Variants in PTPRT observed in about 807,000 individuals in gnomAD.
PTPRT encodes the protein protein tyrosine phosphatase receptor type T.
PTPRT carries 56 observed loss-of-function variants against 176.8 expected under a neutral mutation model. The observed-to-expected ratio is 0.32, with a 90% CI of 0.26 to 0.40. The LOEUF (loss-of-function observed/expected upper bound fraction) is 0.40. Among genes scored for constraint, PTPRT ranks in the 10% least tolerant of loss-of-function variants. The pLI, the probability that PTPRT is intolerant of heterozygous loss-of-function variation, is 1.00. For synonymous variants in PTPRT, 783 were observed against 739.0 expected, an observed-to-expected ratio of 1.06 and a Z score of -0.96; for missense variants, 1,540 against 1,908.2, an observed-to-expected ratio of 0.81 and a Z score of 3.60.
chr20:42,939,831 A>G (rs73907413), intron 1 of PTPRT, among the ~76,000 whole-genome samples: 1,769 of 152,328 alleles, frequency 0.012, 31 homozygotes, highest in African/African-American at 0.041. Context: ...ATGGAGTGGT[A>G]GTTTTGACAG....
chr20:42,937,589 C>T (rs1399090638), intron 1 of PTPRT, among the ~76,000 whole-genome samples: 2 of 152,176 alleles, frequency 1.3e-5, no homozygotes, highest in Admixed American at 1.3e-4. Flanking sequence ...CTCCAGTTCA[C>T]CTTGTGGAGC....
intron 1 of PTPRT, among the ~76,000 whole-genome samples, chr20:43,132,127 C>T (rs926766049): frequency 6.6e-6 from 1 of 152,058 alleles, no homozygotes; most frequent in Non-Finnish European, 1.5e-5. Flanking sequence ...TGCCCATTAT[C>T]ACCATTGTTA....
chr20:42,379,972 G>A (rs889748497), intron 9 of PTPRT, among the ~76,000 whole-genome samples: 10 of 152,148 alleles, frequency 6.6e-5, no homozygotes, highest in African/African-American at 2.2e-4. Flanking sequence ...GCCATCCATA[G>A]CAAGCCCACA....
intron 7 of PTPRT, among the ~76,000 whole-genome samples, chr20:42,599,431 C>A (rs559623010): frequency 2.0e-5 from 3 of 152,252 alleles, no homozygotes; most frequent in Admixed American, 2.0e-4. Context: ...ATTCATCTAT[C>A]CCTCCTCAGG....
chr20:42,936,183 G>A (rs1438546049), intron 1 of PTPRT, among the ~76,000 whole-genome samples: 3 of 152,226 alleles, frequency 2.0e-5, no homozygotes, highest in Admixed American at 6.5e-5. Context: ...TATAGAGAAA[G>A]CAAAACAGGA....
At chr20:42,341,041 A>G (rs888217271) in intron 11 of PTPRT, among the ~76,000 whole-genome samples, 1 of 151,962 alleles carries the variant, frequency 6.6e-6, no homozygotes, top group African/African-American at 2.4e-5. Context: ...CCTTGAATCT[A>G]TTACTGTCTG....
intron 1 of PTPRT, among the ~76,000 whole-genome samples, chr20:42,892,487 TA>T (rs76007946): frequency 0.053 from 6,998 of 131,592 alleles, 504 homozygotes; most frequent in African/African-American, 0.17. Context: ...TGGAGCTAAG[TA>T]AAAAAAAAAA....
intron 2 of PTPRT, among the ~76,000 whole-genome samples, chr20:42,801,011 C>CT (rs1426431755): frequency 6.6e-6 from 1 of 152,116 alleles, no homozygotes; most frequent in Non-Finnish European, 1.5e-5. Flanking sequence ...TCTTTGTGCT[C>CT]TTTTTTTCTT....
At position 42,282,614 on chromosome 20, in the gene PTPRT, T is replaced by C. The variant is rs979981098; in HGVS notation, c.2140-89A>G. ...AGACAAAAATACATATATATTTGCA[T>C]ATATATTCATGCATATGTATTTTTA... On this transcript the variant is annotated intron_variant, in intron 12 of 30. Coordinates refer to ENST00000373187, the MANE Select transcript of PTPRT (RefSeq NM_007050.6). The C allele has an allele frequency of 1.5e-5, 15 of 996,234 alleles. No individual in the cohort carries two copies. In the African/African-American group the frequency reaches 2.0e-4, roughly 13 times the overall value. 61.7% of individuals were successfully genotyped at this position (996,234 alleles called of 1,614,324 possible).
At chr20:43,111,136 A>G (rs528114070) in intron 1 of PTPRT, among the ~76,000 whole-genome samples, 30 of 152,320 alleles carry the variant, frequency 2.0e-4, no homozygotes, top group Non-Finnish European at 4.1e-4. Flanking sequence ...CCCAAGGTGC[A>G]GGTTGGCAGG....
Position 42,115,198 on chromosome 20 carries a change from C to T in PTPRT, c.3099+1G>A, listed in dbSNP as rs2146311022. On this transcript the variant is annotated splice_donor_variant, in intron 22 of 30. Coordinates refer to ENST00000373187, the MANE Select transcript of PTPRT (RefSeq NM_007050.6). LOFTEE classifies it high-confidence loss of function. ...CTGCCCACAGCCTCCAAGAAGCTTACCTTCTGGACTGTGAAGGTGCGTATG... is the reference window on the plus strand; with the variant it reads ...CTGCCCACAGCCTCCAAGAAGCTTATCTTCTGGACTGTGAAGGTGCGTATG... 6.2e-7 allele frequency: 1 copy of T among 1,611,192 alleles called. No homozygotes were observed. Among genetic ancestry groups the T allele is most frequent in the Non-Finnish European group, 8.5e-7 (1 of 1,177,364 alleles).
chr20:42,897,520 G>A (rs972245449), intron 1 of PTPRT, among the ~76,000 whole-genome samples: 19 of 152,298 alleles, frequency 1.2e-4, no homozygotes, highest in African/African-American at 3.6e-4. Context: ...TAACAGAAAC[G>A]GCGGTGCCCT....
At chr20:42,106,954 T>A in intron 23 of PTPRT, 33 bp from the exon 24 acceptor site, 10 of 1,604,700 alleles carry the variant, frequency 6.2e-6, no homozygotes, top group Non-Finnish European at 8.5e-6. Context: ...GTTAAGGATC[T>A]TCATGGGGGG....
intron 7 of PTPRT, among the ~76,000 whole-genome samples, chr20:42,621,119 G>A (rs1185988639): frequency 2.0e-5 from 3 of 152,114 alleles, no homozygotes; most frequent in Non-Finnish European, 2.9e-5. Flanking sequence ...GATGAGATTT[G>A]GGTGGGGACA....
At chr20:42,039,790 G>A in the PTPRT span, among the ~76,000 whole-genome samples, 63,127 of 146,070 alleles carry the variant, frequency 0.43, 14,274 homozygotes, top group Middle Eastern at 0.56. Context: ...GGTATTTTCC[G>A]TATATTCCAA....
rs117316864 is a variant in PTPRT at position 42,451,097 on chromosome 20, G to A, written c.1451-2768C>T. Among the ~76,000 whole-genome samples, 1,051 of 152,230 alleles carry A rather than the reference G, an allele frequency of 6.9e-3. 8 individuals are homozygous for A. Among genetic ancestry groups the A allele is most frequent in the Non-Finnish European group, 8.6e-3 (588 of 68,018 alleles). Reference sequence around the variant, plus strand: ...TGGAAGGAGAAAAATCAGTTAGGAGGCTGTCATTGTCATCCTCGGGAGAAA... The same window carrying A: ...TGGAAGGAGAAAAATCAGTTAGGAGACTGTCATTGTCATCCTCGGGAGAAA... On this transcript the variant is annotated intron_variant, in intron 8 of 30. Coordinates refer to ENST00000373187, the MANE Select transcript of PTPRT (RefSeq NM_007050.6).
chr20:42,688,971 C>G (rs3092636), intron 6 of PTPRT, among the ~76,000 whole-genome samples: 4 of 152,256 alleles, frequency 2.6e-5, no homozygotes, highest in South Asian at 4.1e-4. Context: ...GTGATACAGG[C>G]TGGGAAGTGG....
intron 1 of PTPRT, among the ~76,000 whole-genome samples, chr20:43,157,985 C>G (rs771189739): frequency 1.3e-5 from 2 of 152,126 alleles, no homozygotes; most frequent in Non-Finnish European, 2.9e-5. Flanking sequence ...TGATCCAATT[C>G]TGATTTGCAG....
intron 19 of PTPRT, among the ~76,000 whole-genome samples, chr20:42,123,760 C>G (rs905928538): frequency 6.6e-6 from 1 of 152,180 alleles, no homozygotes; most frequent in Non-Finnish European, 1.5e-5. Context: ...CTTGCTCTCT[C>G]GCTCCATCCA....
Sources: gnomAD v4.1 joint callset for allele counts (sites outside exome capture counted in the v4.1 genomes callset) on GRCh38, gnomAD v4.1.1 for gene constraint, MANE v1.5 for transcripts, NCBI Gene and HGNC (gene_info 2026-07-23, HGNC 2026-07-21) for gene names.